The following TTC27 variants were observed in gnomAD, a reference collection of about 807,000 sequenced individuals.
TTC27 encodes tetratricopeptide repeat domain 27.
TTC27 carries 79 observed loss-of-function variants against 115.9 expected under a neutral mutation model. That is an observed-to-expected ratio of 0.68 (90% CI 0.57 to 0.82). The LOEUF (loss-of-function observed/expected upper bound fraction) is 0.82, where lower values mean the gene tolerates loss of function less well. Among genes scored for constraint, TTC27 ranks in the 40% least tolerant of loss-of-function variants. TTC27 has a pLI of 0.00. For missense variants in TTC27, 1,054 were observed against 993.1 expected, an observed-to-expected ratio of 1.06 and a Z score of -0.82; for synonymous variants, 401 against 356.0, an observed-to-expected ratio of 1.13 and a Z score of -1.42.
intron 5 of TTC27, among the ~76,000 whole-genome samples, chr2:32,663,707 C>G (rs979462991): frequency 6.6e-6 from 1 of 151,726 alleles, no homozygotes; most frequent in Non-Finnish European, 1.5e-5. Flanking sequence ...TATTTGGAGA[C>G]GGGTTCTTGC....
chr2:32,779,366 G>A (rs1397451580), intron 14 of TTC27, among the ~76,000 whole-genome samples: 2 of 151,834 alleles, frequency 1.3e-5, no homozygotes, highest in Non-Finnish European at 2.9e-5. Context: ...GCATCTCATT[G>A]TGGTTCAATT....
chr2:32,801,017 G>T (rs1670913626), intron 16 of TTC27, among the ~76,000 whole-genome samples: 1 of 152,228 alleles, frequency 6.6e-6, no homozygotes, highest in Non-Finnish European at 1.5e-5. Flanking sequence ...CTTCTGGCCA[G>T]TGAGTGGGGT....
chr2:32,693,354 C>A (rs1464469933), intron 9 of TTC27, among the ~76,000 whole-genome samples: 1 of 152,146 alleles, frequency 6.6e-6, no homozygotes, highest in Non-Finnish European at 1.5e-5. Flanking sequence ...CACCTGGGAG[C>A]TTGTTAGAAA....
At chr2:32,713,131 CT>C (rs1667639210) in intron 10 of TTC27, among the ~76,000 whole-genome samples, 1 of 152,140 alleles carries the variant, frequency 6.6e-6, no homozygotes, top group Non-Finnish European at 1.5e-5. Flanking sequence ...AGCAAGAGGT[CT>C]TTTCCAGATG....
intron 12 of TTC27, 100 bp from the exon 13 acceptor site, chr2:32,758,192 T>C: frequency 9.2e-7 from 1 of 1,088,782 alleles, no homozygotes; most frequent in South Asian, 1.6e-5. Flanking sequence ...ACGTTGAAAA[T>C]AAAAATTTGG....
At chr2:32,712,596 G>A (rs755037361) in intron 10 of TTC27, among the ~76,000 whole-genome samples, 3 of 150,214 alleles carry the variant, frequency 2.0e-5, no homozygotes, top group Non-Finnish European at 4.4e-5. Flanking sequence ...GTCTCACTTT[G>A]TCACCCAGGC....
chr2:32,723,671 A>T (rs1238623766), intron 10 of TTC27, among the ~76,000 whole-genome samples: 1 of 147,596 alleles, frequency 6.8e-6, no homozygotes, highest in Non-Finnish European at 1.5e-5. Flanking sequence ...AGTAGTAGCT[A>T]ATTATTGTTA....
At chr2:32,663,708 G>A (rs779982145) in intron 5 of TTC27, among the ~76,000 whole-genome samples, 5 of 151,826 alleles carry the variant, frequency 3.3e-5, no homozygotes, top group African/African-American at 7.3e-5. Flanking sequence ...ATTTGGAGAC[G>A]GGTTCTTGCT....
chr2:32,781,595 A>G (rs1670180789), intron 14 of TTC27, among the ~76,000 whole-genome samples: 1 of 151,342 alleles, frequency 6.6e-6, no homozygotes, highest in African/African-American at 2.4e-5. Context: ...AGTTGTCCTT[A>G]TTTTCTCATA....
intron 10 of TTC27, among the ~76,000 whole-genome samples, chr2:32,727,871 AT>A (rs886084303): frequency 3.9e-5 from 6 of 152,024 alleles, no homozygotes; most frequent in African/African-American, 1.4e-4. Flanking sequence ...AATATGATAA[AT>A]ATTGATGGAT....
intron 10 of TTC27, among the ~76,000 whole-genome samples, chr2:32,717,610 T>C (rs1667797465): frequency 6.6e-6 from 1 of 152,242 alleles, no homozygotes; most frequent in Admixed American, 6.5e-5. Context: ...GTAGTTAAAT[T>C]TGTGTCTTTG....
intron 18 of TTC27, among the ~76,000 whole-genome samples, chr2:32,814,449 A>G (rs1671423139): frequency 6.6e-6 from 1 of 152,188 alleles, no homozygotes; most frequent in Non-Finnish European, 1.5e-5. Context: ...AGATTTACAA[A>G]GATAAATCTT....
chr2:32,670,114 G>T (rs1665955974), intron 7 of TTC27, among the ~76,000 whole-genome samples: 1 of 151,706 alleles, frequency 6.6e-6, no homozygotes, highest in Non-Finnish European at 1.5e-5. Context: ...CTGACGTCGG[G>T]TGATCCGCCC....
At chr2:32,780,493 G>A (rs1398476312) in intron 14 of TTC27, among the ~76,000 whole-genome samples, 1 of 152,140 alleles carries the variant, frequency 6.6e-6, no homozygotes, top group Non-Finnish European at 1.5e-5. Flanking sequence ...AGGCTGAGGT[G>A]CAGTGGTGCA....
In TTC27 at chr2:32,691,589, G is replaced by A. The variant is rs192792851; in HGVS notation, c.1120-11218G>A. 2.7e-3 allele frequency among the ~76,000 whole-genome samples: 406 copies of A among 152,102 alleles called. 3 individuals carry two copies. Among genetic ancestry groups the A allele is most frequent in the Middle Eastern group, 3.4e-3 (1 of 294 alleles). ...GGGGGGATTACAGGCATGAGCCACC[G>A]CGCCTGGCCTGCATCTCTTAATCTT... is the stretch of plus-strand genomic sequence containing the variant. On this transcript the variant is annotated intron_variant, in intron 9 of 19. Coordinates refer to ENST00000317907, the MANE Select transcript of TTC27 (RefSeq NM_017735.5).
Position 32,769,022 on chromosome 2 carries a change from G to T in TTC27, c.1681-8860G>T, listed in dbSNP as rs142653854. On this transcript the variant is annotated intron_variant, in intron 13 of 19. Coordinates refer to ENST00000317907, the MANE Select transcript of TTC27 (RefSeq NM_017735.5). Reference sequence around the variant, plus strand: ...GTCCATTGGAGATAAAAGCCCTAGTGAAGCCCAACAGTGAGGCCTGAGCAT... The same window carrying T: ...GTCCATTGGAGATAAAAGCCCTAGTTAAGCCCAACAGTGAGGCCTGAGCAT... Among the ~76,000 whole-genome samples the T allele has an allele frequency of 2.6e-4, 40 of 152,302 alleles. No homozygotes were observed. The East Asian group carries it at 7.3e-3, about 28-fold the overall frequency.
intron 5 of TTC27, among the ~76,000 whole-genome samples, chr2:32,661,681 G>T (rs1207129998): frequency 2.6e-5 from 4 of 152,162 alleles, no homozygotes; most frequent in African/African-American, 9.7e-5. Context: ...AGACGATGGG[G>T]TTTTCTAAAT....
At chr2:32,749,018 A>G (rs567405594) in intron 12 of TTC27, among the ~76,000 whole-genome samples, 4 of 152,250 alleles carry the variant, frequency 2.6e-5, no homozygotes, top group African/African-American at 9.6e-5. Context: ...TGTACCAGGG[A>G]TTACTTAAGA....
At chr2:32,716,142 G>A (rs957354428) in intron 10 of TTC27, among the ~76,000 whole-genome samples, 1 of 152,086 alleles carries the variant, frequency 6.6e-6, no homozygotes, top group Non-Finnish European at 1.5e-5. Context: ...TGACATAAGT[G>A]GGATCATCCA....
Sources: gnomAD v4.1 joint callset for allele counts (sites outside exome capture counted in the v4.1 genomes callset) on GRCh38, gnomAD v4.1.1 for gene constraint, MANE v1.5 for transcripts, NCBI Gene and HGNC (gene_info 2026-07-23, HGNC 2026-07-21) for gene names.